Variants in NAV3 observed in about 807,000 individuals in gnomAD.
The protein encoded by NAV3 is pore membrane and/or filament interacting like protein 1.
NAV3 carries 87 observed loss-of-function variants against 244.7 expected under a neutral mutation model. That is an observed-to-expected ratio of 0.36 (90% CI 0.30 to 0.42). The LOEUF is 0.42. NAV3 is among the 20% of genes least tolerant of loss of function. The probability of loss-of-function intolerance (pLI) is 1.00; values close to 1 mark genes in which losing one functional copy is unlikely to be tolerated. For missense variants in NAV3, 2,663 were observed against 2,893.3 expected (o/e 0.92, Z 1.83); for synonymous variants, 1,126 against 1,042.2 (o/e 1.08, Z -1.55).
At chr12:77,855,017 C>T (rs977492457) in intron 1 of NAV3, among the ~76,000 whole-genome samples, 1 of 152,104 alleles carries the variant, frequency 6.6e-6, no homozygotes, top group Non-Finnish European at 1.5e-5. Context: ...GTCCCAGCTA[C>T]TCGGGAGGCT....
chr12:77,776,575 A>G (rs2135897316), intron 2 of NAV3, among the ~76,000 whole-genome samples: 1 of 152,340 alleles, frequency 6.6e-6, no homozygotes, highest in South Asian at 2.1e-4. Flanking sequence ...GATCTTATGA[A>G]GATCTGCACT....
intron 20 of NAV3, among the ~76,000 whole-genome samples, chr12:78,144,369 T>C (rs1328952443): frequency 6.6e-6 from 1 of 151,540 alleles, no homozygotes; most frequent in Non-Finnish European, 1.5e-5. Context: ...CTCCAGGACA[T>C]TGGGCTTGCT....
At chr12:77,905,214 A>T (rs769022327) in intron 1 of NAV3, among the ~76,000 whole-genome samples, 3 of 152,234 alleles carry the variant, frequency 2.0e-5, no homozygotes, top group Non-Finnish European at 4.4e-5. Flanking sequence ...GATGTATTAA[A>T]ATTTATAGAA....
chr12:77,918,624 A>C (rs1249296386), intron 1 of NAV3, among the ~76,000 whole-genome samples: 1 of 151,988 alleles, frequency 6.6e-6, no homozygotes, highest in Non-Finnish European at 1.5e-5. Flanking sequence ...GCTGCCCATC[A>C]GCTAGGTGAT....
intron 9 of NAV3, among the ~76,000 whole-genome samples, chr12:78,032,126 G>GA (rs1461006418): frequency 6.6e-6 from 1 of 152,014 alleles, no homozygotes; most frequent in African/African-American, 2.4e-5. Flanking sequence ...ATGTAACCCA[G>GA]AAAAAAGTCT....
intron 2 of NAV3, among the ~76,000 whole-genome samples, chr12:77,645,084 C>G (rs928865684): frequency 1.3e-5 from 2 of 151,968 alleles, no homozygotes; most frequent in Admixed American, 1.3e-4. Context: ...GGGTGAAACC[C>G]ACGTCTGTTA....
At chr12:77,592,394 A>G (rs7139340) in intron 2 of NAV3, among the ~76,000 whole-genome samples, 79 of 152,158 alleles carry the variant, frequency 5.2e-4, no homozygotes, top group African/African-American at 1.8e-3. Flanking sequence ...CAAAGTTCAG[A>G]ATAGGAGAAT....
At chr12:77,681,753 A>C (rs1874479403) in intron 2 of NAV3, among the ~76,000 whole-genome samples, 1 of 152,192 alleles carries the variant, frequency 6.6e-6, no homozygotes. Context: ...AAACTCATGT[A>C]ACTAACATCA....
intron 34 of NAV3, among the ~76,000 whole-genome samples, chr12:78,193,609 G>A (rs1031901444): frequency 6.6e-6 from 1 of 152,042 alleles, no homozygotes; most frequent in Admixed American, 6.6e-5. Context: ...TTTAATGCCG[G>A]TGCATCAGTG....
intron 2 of NAV3, among the ~76,000 whole-genome samples, chr12:77,641,697 G>T (rs896733599): frequency 3.3e-5 from 5 of 151,918 alleles, no homozygotes; most frequent in Non-Finnish European, 7.4e-5. Context: ...ATAACAAGAG[G>T]TATTTTCCAT....
At chr12:77,864,018 G>A (rs1375299926) in intron 1 of NAV3, among the ~76,000 whole-genome samples, 5 of 151,658 alleles carry the variant, frequency 3.3e-5, no homozygotes, top group African/African-American at 9.7e-5. Flanking sequence ...AACTTTTATG[G>A]CAGAGATTAT....
In NAV3 at chr12:77,626,595, G is replaced by A. The variant is rs139673242; in HGVS notation, c.72+54329G>A. Among the ~76,000 whole-genome samples, 243 of 152,084 alleles carry A rather than the reference G, an allele frequency of 1.6e-3. 1 individual carries two copies. Among genetic ancestry groups the A allele is most frequent in the African/African-American group, 5.2e-3 (217 of 41,510 alleles). On this transcript the variant is annotated intron_variant, in intron 2 of 8. Transcript: ENST00000550042. The stretch of plus-strand genomic sequence containing the variant: ...AAGGGCATCTCCATCAGACCAACAT[G>A]GATTTTTCAACAGAAACTACACAGG...
chr12:78,175,940 G>GAGTT (rs200843190), intron 25 of NAV3, among the ~76,000 whole-genome samples: 4,557 of 151,836 alleles, frequency 0.03, 70 homozygotes, highest in Middle Eastern at 0.051. Flanking sequence ...AGGAGAATGG[G>GAGTT]AGTTAATAAA....
intron 2 of NAV3, among the ~76,000 whole-genome samples, chr12:77,685,506 CAT>C (rs201964134): frequency 2.0e-5 from 3 of 150,606 alleles, no homozygotes; most frequent in African/African-American, 4.9e-5. Context: ...CACACACACA[CAT>C]ACCCACACGC....
In NAV3 at chr12:78,116,801, G is replaced by A. The variant is rs2138515964; in HGVS notation, c.2666G>A (p.Gly889Asp). 1 of 1,605,440 alleles carries A rather than the reference G, an allele frequency of 6.2e-7. No homozygotes were observed. Among genetic ancestry groups the A allele is most frequent in the Non-Finnish European group, 8.5e-7 (1 of 1,174,482 alleles). ...GATGACAGCAGTTCAGTGAGCAGTG[G>A]TCTCAGTGACACCCTTGATAACATC... ...SWDDSSSVSS[G>D]LSDTLDNIST... The change falls in exon 13 of 40, where the codon GGT becomes GAT. Residue 889 changes from glycine (G) to aspartate (D), a missense_variant. By Grantham distance (94) the Gly-to-Asp change is moderately conservative. This residue lies in a region of NAV3 where 1,521 missense variants were observed against 1,497.0 expected (regional missense o/e 1.02). Transcript: ENST00000397909.
intron 29 of NAV3, 54 bp from the exon 30 acceptor site, chr12:78,180,817 A>C (rs752049727): frequency 2.1e-6 from 3 of 1,461,538 alleles, no homozygotes; most frequent in African/African-American, 1.4e-5. Context: ...ACTTGGTGCT[A>C]TTTTCTCAAT....
At chr12:77,706,875 A>C in intron 2 of NAV3, among the ~76,000 whole-genome samples, 1 of 141,552 alleles carries the variant, frequency 7.1e-6, no homozygotes, top group South Asian at 2.1e-4. Context: ...TGTTTCAAAA[A>C]AAAAAAAAAA....
chr12:77,732,455 G>A (rs1877165322), intron 2 of NAV3, among the ~76,000 whole-genome samples: 1 of 151,926 alleles, frequency 6.6e-6, no homozygotes, highest in Non-Finnish European at 1.5e-5. Context: ...AGCAGTGCGT[G>A]TGAGCTGCTT....
intron 12 of NAV3, among the ~76,000 whole-genome samples, chr12:78,064,863 C>T (rs552843308): frequency 6.6e-6 from 1 of 151,866 alleles, no homozygotes; most frequent in Non-Finnish European, 1.5e-5. Context: ...TTTGGAAATG[C>T]GTAAATGTGG....
Sources: allele counts gnomAD v4.1 joint callset (sites outside exome capture counted in the v4.1 genomes callset), GRCh38; gene constraint gnomAD v4.1.1; regional missense constraint gnomAD v4.1.1; transcripts MANE v1.5; gene names NCBI Gene and HGNC (gene_info 2026-07-23, HGNC 2026-07-21).